The following COL4A5 variants were observed in gnomAD, a reference collection of about 807,000 sequenced individuals.
COL4A5 encodes collagen alpha-5(IV) chain.
A neutral mutation model predicts 130.2 loss-of-function variants in COL4A5; 26 were observed. That is an observed-to-expected ratio of 0.20 (90% CI 0.15 to 0.28). COL4A5 has a LOEUF of 0.28. Among genes scored for constraint, COL4A5 ranks in the 10% least tolerant of loss-of-function variants. The probability of loss-of-function intolerance (pLI) is 1.00; values close to 1 mark genes in which losing one functional copy is unlikely to be tolerated. For synonymous variants in COL4A5, 496 were observed against 439.6 expected (o/e 1.13, Z -1.60); for missense variants, 1,131 against 1,344.3 (o/e 0.84, Z 2.48).
chrX:108,515,251 C>T (rs1447761693), intron 1 of COL4A5, among the ~76,000 whole-genome samples: 1 of 111,489 alleles, frequency 9.0e-6, no homozygotes, highest in South Asian at 3.7e-4. Flanking sequence ...AGAATAGTTG[C>T]TTGGATAATA....
At chrX:108,688,189 T>C (rs2068583695) in intron 49 of COL4A5, among the ~76,000 whole-genome samples, 1 of 112,022 alleles carries the variant, frequency 8.9e-6, no homozygotes, top group Admixed American at 9.5e-5. Context: ...CTTAGCTTTA[T>C]AAAGTATTGC....
At chrX:108,450,178 G>A (rs1569471151) in intron 1 of COL4A5, among the ~76,000 whole-genome samples, 2 of 112,307 alleles carry the variant, frequency 1.8e-5, no homozygotes, top group Non-Finnish European at 3.8e-5. Flanking sequence ...TATGTACGCT[G>A]AAGTAAGATA....
chrX:108,487,184 A>G (rs1374729024), intron 1 of COL4A5, among the ~76,000 whole-genome samples: 1 of 110,516 alleles, frequency 9.0e-6, no homozygotes, highest in Non-Finnish European at 1.9e-5. Context: ...GGAGGTCAGG[A>G]GTTGGAGACC....
At chrX:108,492,636 C>A in intron 1 of COL4A5, among the ~76,000 whole-genome samples, 1 of 111,464 alleles carries the variant, frequency 9.0e-6, no homozygotes, top group Non-Finnish European at 1.9e-5. Flanking sequence ...ATGGACAAAT[C>A]GAATATTGAG....
chrX:108,696,112 A>C, intron 52 of COL4A5, 185 bp from the exon 53 acceptor site: 1 of 428,458 alleles, frequency 2.3e-6, no homozygotes, highest in African/African-American at 2.5e-5. Flanking sequence ...CAAAATATCT[A>C]TGACCACTAA....
chrX:108,627,237 T>C, intron 36 of COL4A5: 3 of 594,837 alleles, frequency 5.0e-6, no homozygotes, highest in Non-Finnish European at 6.1e-6. Flanking sequence ...ATTGAATATA[T>C]GATTTTATTA....
At chrX:108,473,590 A>T (rs867770084) in intron 1 of COL4A5, among the ~76,000 whole-genome samples, 3 of 68,934 alleles carry the variant, frequency 4.4e-5, no homozygotes, top group Non-Finnish European at 9.0e-5. Context: ...TAAGGATATA[A>T]AGTTTTATAT....
chrX:108,653,590 GAAACCATGGATAGCA>G (rs1049965897), intron 36 of COL4A5, among the ~76,000 whole-genome samples: 5 of 111,455 alleles, frequency 4.5e-5, no homozygotes, highest in Admixed American at 1.9e-4. Flanking sequence ...ACAGGTGACT[GAAACCATGGATAGCA>G]AAACCATGGA....
intron 46 of COL4A5, 41 bp from the exon 47 acceptor site, chrX:108,681,719 C>A: frequency 8.3e-7 from 1 of 1,207,191 alleles, no homozygotes; most frequent in Non-Finnish European, 1.1e-6. Context: ...TTTCTTGTAA[C>A]CTTTCTCTTT....
intron 36 of COL4A5, among the ~76,000 whole-genome samples, chrX:108,632,142 G>A (rs1398944852): frequency 1.8e-5 from 2 of 110,951 alleles, no homozygotes; most frequent in South Asian, 3.9e-4. Context: ...ATGATAAAAG[G>A]AATATCATCA....
intron 36 of COL4A5, among the ~76,000 whole-genome samples, chrX:108,654,559 C>T (rs2147933760): frequency 8.9e-6 from 1 of 112,723 alleles, no homozygotes; most frequent in Admixed American, 9.3e-5. Context: ...CATCCTCCCA[C>T]CTCAGCCTCC....
intron 1 of COL4A5, among the ~76,000 whole-genome samples, chrX:108,485,720 C>G (rs1248511507): frequency 2.7e-5 from 3 of 109,905 alleles, no homozygotes; most frequent in African/African-American, 1.0e-4. Flanking sequence ...CCTCTCGTCT[C>G]CTCAAGTGGA....
chrX:108,630,093 CTGTG>C (rs932449377), intron 36 of COL4A5, among the ~76,000 whole-genome samples: 3 of 111,778 alleles, frequency 2.7e-5, no homozygotes, highest in Non-Finnish European at 5.6e-5. Flanking sequence ...GTCTTTGCTA[CTGTG>C]AATAGTGCCA....
chrX:108,528,795 C>T (rs1283102637), intron 1 of COL4A5, among the ~76,000 whole-genome samples: 4 of 112,037 alleles, frequency 3.6e-5, no homozygotes, highest in Non-Finnish European at 5.6e-5. Flanking sequence ...AAAGAATGAG[C>T]GAAGCTTTGT....
chrX:108,512,941 C>T (rs1460352933), intron 1 of COL4A5, among the ~76,000 whole-genome samples: 2 of 110,883 alleles, frequency 1.8e-5, no homozygotes, highest in Admixed American at 1.9e-4. Flanking sequence ...CCTACAGTTT[C>T]GACCATAGAA....
chrX:108,503,407 C>A (rs1467975459), intron 1 of COL4A5, among the ~76,000 whole-genome samples: 1 of 111,674 alleles, frequency 9.0e-6, no homozygotes, highest in Admixed American at 9.5e-5. Context: ...AAGTCCTAGT[C>A]AGAGCAATTA....
intron 2 of COL4A5, among the ~76,000 whole-genome samples, chrX:108,549,063 C>A (rs938183895): frequency 2.7e-5 from 3 of 111,286 alleles, no homozygotes; most frequent in Non-Finnish European, 5.7e-5. Context: ...GGTGTAAATG[C>A]GGGTAAATAT....
chrX:108,440,002 C>A lies in COL4A5; in HGVS notation c.-124C>A. ...CTTAAAAAGCTTCTTTCTCTTCACC[C>A]AAGCCTCACTGTCCCTCTCCGGCTC... On this transcript the variant is annotated 5_prime_UTR_variant, in exon 1 of 53. Transcript: ENST00000328300. The A allele has an allele frequency of 1.9e-6, 1 of 533,019 alleles. No homozygotes were observed. Among genetic ancestry groups the A allele is most frequent in the Non-Finnish European group, 3.3e-6 (1 of 306,001 alleles). 43.9% of individuals were successfully genotyped at this position (533,019 alleles called of 1,213,427 possible).
At position 108,601,634 on chromosome X, in the gene COL4A5, G is replaced by T. The variant is rs2066631383; in HGVS notation, c.2041+149G>T. 5 of 484,399 alleles carry T rather than the reference G, an allele frequency of 1.0e-5. No homozygotes were observed. The Admixed American group carries it at 1.8e-4, about 17-fold the overall frequency. The allele number at this position is 484,399 out of a possible 1,213,427, so 39.9% of individuals were successfully genotyped here. A position where few individuals can be genotyped will look rare whatever the true frequency, so the allele number is the denominator to read the frequency against. Reference sequence around the variant, plus strand: ...AACCTCCTACTTCTGGGTTCAAGCAGTTCTCCCTGCCTCAGCCTCCCAAGT... The same window carrying T: ...AACCTCCTACTTCTGGGTTCAAGCATTTCTCCCTGCCTCAGCCTCCCAAGT... On this transcript the variant is annotated intron_variant, in intron 26 of 52. Transcript: ENST00000328300.
Sources: allele counts gnomAD v4.1 joint callset (sites outside exome capture counted in the v4.1 genomes callset), GRCh38; gene constraint gnomAD v4.1.1; transcripts MANE v1.5; gene names NCBI Gene and HGNC (gene_info 2026-07-23, HGNC 2026-07-21).